Variants in EYS observed in about 807,000 individuals in gnomAD.
EYS encodes the protein protein eyes shut homolog.
In EYS, 250 loss-of-function variants were observed where a neutral mutation model predicts 282.1. That is an observed-to-expected ratio of 0.89 (90% confidence interval 0.80 to 0.98). EYS has a LOEUF of 0.98. Ranked by LOEUF, EYS falls within the 50% of genes least tolerant of loss-of-function variation. The pLI is 0.00. For synonymous variants in EYS, 1,355 were observed against 1,282.9 expected (o/e 1.06, Z -1.20); for missense variants, 4,016 against 3,709.0 (o/e 1.08, Z -2.15).
intron 12 of EYS, among the ~76,000 whole-genome samples, chr6:65,207,846 A>G (rs1427280149): frequency 6.6e-6 from 1 of 151,616 alleles, no homozygotes; most frequent in Non-Finnish European, 1.5e-5. Flanking sequence ...AAACTGGACT[A>G]TCACTAACAG....
intron 12 of EYS, among the ~76,000 whole-genome samples, chr6:65,101,466 T>C (rs1774891332): frequency 6.6e-6 from 1 of 151,292 alleles, no homozygotes; most frequent in African/African-American, 2.4e-5. Context: ...ACGTATTATT[T>C]GTTTTCATTT....
chr6:65,058,605 G>A (rs972525356), intron 12 of EYS, among the ~76,000 whole-genome samples: 7 of 150,544 alleles, frequency 4.6e-5, no homozygotes, highest in African/African-American at 1.5e-4. Context: ...ATTTTACAAC[G>A]TAAGCCTATA....
intron 30 of EYS, among the ~76,000 whole-genome samples, chr6:64,258,969 A>G (rs547827739): frequency 2.0e-5 from 3 of 152,220 alleles, no homozygotes; most frequent in Non-Finnish European, 4.4e-5. Context: ...ATAATACTGT[A>G]TTACATAATA....
chr6:64,342,481 G>A (rs1014507107), intron 29 of EYS, among the ~76,000 whole-genome samples: 120 of 151,994 alleles, frequency 7.9e-4, no homozygotes, highest in African/African-American at 2.8e-3. Context: ...CATAAGTGAA[G>A]GAGAAATAAA....
Position 65,266,479 on chromosome 6 carries a change from C to CATGA in EYS, c.2023+29380_2023+29383dup, listed in dbSNP as rs560489027. On this transcript the variant is annotated intron_variant, in intron 12 of 42. Transcript: ENST00000503581. ...TTTACAAAGATTTGTTGCATGCATG[C>CATGA]ATGAATGAATGAATGAATGAATGGA... Among the ~76,000 whole-genome samples the CATGA allele has an allele frequency of 8.3e-4, 126 of 151,744 alleles. 2 individuals carry two copies. The highest frequency in any genetic ancestry group is 5.8e-3 in the South Asian group (28 of 4,810).
intron 27 of EYS, among the ~76,000 whole-genome samples, chr6:64,437,874 T>C (rs150244209): frequency 7.0e-6 from 1 of 143,532 alleles, no homozygotes; most frequent in Non-Finnish European, 1.6e-5. Flanking sequence ...ATTTAAATAA[T>C]AAGGTATAAC....
chr6:64,340,924 T>C (rs1243284597), intron 29 of EYS, among the ~76,000 whole-genome samples: 1 of 151,864 alleles, frequency 6.6e-6, no homozygotes, highest in Non-Finnish European at 1.5e-5. Context: ...CAGACACTTC[T>C]CAAAAGAAGA....
intron 5 of EYS, among the ~76,000 whole-genome samples, chr6:65,471,453 G>A (rs999114672): frequency 9.2e-5 from 14 of 151,976 alleles, no homozygotes; most frequent in Non-Finnish European, 2.9e-5. Context: ...AAAGATAAAT[G>A]ACGATGAATT....
intron 1 of EYS, among the ~76,000 whole-genome samples, chr6:65,652,780 G>A (rs773520665): frequency 6.6e-6 from 1 of 151,950 alleles, no homozygotes; most frequent in Non-Finnish European, 1.5e-5. Flanking sequence ...TGAAATATCA[G>A]TTATCTAATA....
At chr6:64,220,581 A>G (rs943722986) in intron 31 of EYS, among the ~76,000 whole-genome samples, 1 of 152,116 alleles carries the variant, frequency 6.6e-6, no homozygotes, top group South Asian at 2.1e-4. Context: ...CTTCCTTGGG[A>G]GAAGGACTCT....
At position 64,536,539 on chromosome 6, in the gene EYS, A is replaced by C. The variant is rs1042514904; in HGVS notation, c.5644+53684T>G. On this transcript the variant is annotated intron_variant, in intron 26 of 42. Transcript: ENST00000503581. Reference sequence around the variant, plus strand: ...TGACATTTTGAAATGTCTGCATATCACCAATATATGCATTGATTTTTCATT... The same window carrying C: ...TGACATTTTGAAATGTCTGCATATCCCCAATATATGCATTGATTTTTCATT... Among the ~76,000 whole-genome samples the C allele has an allele frequency of 2.0e-5, 3 of 152,160 alleles. No homozygotes were observed. The East Asian group carries it at 5.8e-4, about 29-fold the overall frequency.
Position 64,591,496 on chromosome 6 carries a change from T to A in EYS, c.4371A>T (p.Ala1457=), listed in dbSNP as rs907344565. 2 of 1,551,356 alleles carry A rather than the reference T, an allele frequency of 1.3e-6. No individual in the cohort carries two copies. The highest frequency in any genetic ancestry group is 8.7e-7 in the Non-Finnish European group (1 of 1,146,772). The part of the protein sequence containing the change: ...GFLLIAASIS[A]TPVVSRGAQE... ...GAGCCCCCCTAGAGACAACTGGAGT[T>A]GCACTTATGGAGGCAGCTATAAGCA... The change falls in exon 26 of 43, where the codon GCA becomes GCT. Residue 1457 remains alanine (A), a synonymous_variant. Coordinates refer to ENST00000503581, the MANE Select transcript of EYS (RefSeq NM_001142800.2).
At chr6:65,039,462 T>C (rs989506028) in intron 13 of EYS, among the ~76,000 whole-genome samples, 3 of 151,492 alleles carry the variant, frequency 2.0e-5, no homozygotes, top group Admixed American at 6.6e-5. Flanking sequence ...TTATTGGCCA[T>C]TATATGTTTA....
At chr6:64,052,526 TG>T (rs1421382142) in intron 33 of EYS, among the ~76,000 whole-genome samples, 1 of 152,206 alleles carries the variant, frequency 6.6e-6, no homozygotes, top group African/African-American at 2.4e-5. Flanking sequence ...AATTGATCCA[TG>T]TAATTTTCTA....
chr6:65,419,813 C>T (rs1296388174), intron 5 of EYS, among the ~76,000 whole-genome samples: 1 of 151,826 alleles, frequency 6.6e-6, no homozygotes, highest in Admixed American at 6.6e-5. Context: ...GGTAGGTTTC[C>T]AGATCACTAC....
chr6:64,185,050 G>C (rs1172527146), intron 31 of EYS, among the ~76,000 whole-genome samples: 2 of 152,052 alleles, frequency 1.3e-5, no homozygotes, highest in Non-Finnish European at 2.9e-5. Context: ...GAGCTAGCTA[G>C]CCACTTCCAC....
chr6:64,308,703 A>G (rs1434646537), intron 29 of EYS, among the ~76,000 whole-genome samples: 1 of 152,058 alleles, frequency 6.6e-6, no homozygotes, highest in African/African-American at 2.4e-5. Flanking sequence ...AATATATTTC[A>G]CTTTTTAAAT....
intron 22 of EYS, among the ~76,000 whole-genome samples, chr6:64,751,215 C>T (rs1250521252): frequency 6.6e-6 from 1 of 152,182 alleles, no homozygotes; most frequent in Non-Finnish European, 1.5e-5. Context: ...GCATATGGCA[C>T]ATTTGCTCCC....
chr6:64,550,155 G>A lies in EYS; in HGVS notation c.5644+40068C>T, dbSNP rs546651993. On this transcript the variant is annotated intron_variant, in intron 26 of 42. Coordinates refer to ENST00000503581, the MANE Select transcript of EYS (RefSeq NM_001142800.2). ...CTATCATTGTTAGACATTTGGGTTG[G>A]TTCCAAGTCTTTGCTATTGTGAATA... is the stretch of plus-strand genomic sequence containing the variant. Among the ~76,000 whole-genome samples, 72 of 152,232 alleles carry A rather than the reference G, an allele frequency of 4.7e-4. No individual in the cohort carries two copies. The Middle Eastern group carries it at 0.014, about 29-fold the overall frequency.
Sources: allele counts gnomAD v4.1 joint callset (sites outside exome capture counted in the v4.1 genomes callset), GRCh38; gene constraint gnomAD v4.1.1; transcripts MANE v1.5; gene names NCBI Gene and HGNC (gene_info 2026-07-23, HGNC 2026-07-21).